Variants in SHOC2 observed in about 807,000 individuals in gnomAD.
The protein encoded by SHOC2 is leucine-rich repeat protein SHOC-2.
In SHOC2, 4 loss-of-function variants were observed where a neutral mutation model predicts 50.2. The observed-to-expected ratio is 0.08, with a 90% confidence interval of 0.04 to 0.18. The LOEUF (loss-of-function observed/expected upper bound fraction) is 0.18. SHOC2 is among the 10% of genes least tolerant of loss of function. The pLI is 1.00. For synonymous variants in SHOC2, 218 were observed against 244.5 expected (o/e 0.89, Z 1.01); for missense variants, 388 against 669.6 (o/e 0.58, Z 4.64).
intron 1 of SHOC2, among the ~76,000 whole-genome samples, chr10:110,941,985 G>GT (rs1329102006): frequency 6.6e-6 from 1 of 151,946 alleles, no homozygotes. Flanking sequence ...GTAATTTTTT[G>GT]TTTTTGTTTT....
intron 1 of SHOC2, among the ~76,000 whole-genome samples, chr10:110,944,832 C>T (rs1181466729): frequency 6.6e-6 from 1 of 152,180 alleles, no homozygotes; most frequent in Non-Finnish European, 1.5e-5. Context: ...CTTTACATGC[C>T]TGGAACCAGT....
At chr10:111,002,485 A>G (rs954692507) in intron 4 of SHOC2, among the ~76,000 whole-genome samples, 1 of 152,214 alleles carries the variant, frequency 6.6e-6, no homozygotes, top group Non-Finnish European at 1.5e-5. Flanking sequence ...AGGTGTATAC[A>G]TATAGAAAAG....
chr10:110,970,220 C>T (rs1011524904), intron 2 of SHOC2, among the ~76,000 whole-genome samples: 2 of 152,138 alleles, frequency 1.3e-5, no homozygotes, highest in East Asian at 1.9e-4. Flanking sequence ...CGCCACCCTT[C>T]TCAGCCTCTA....
intron 1 of SHOC2, chr10:110,951,740 A>G (rs1847357179): frequency 1.3e-5 from 2 of 152,142 alleles, no homozygotes; most frequent in Admixed American, 1.3e-4. Context: ...ATCTTGGCCC[A>G]CTGCAACCTC....
At chr10:110,961,764 A>G (rs1357171734) in intron 1 of SHOC2, among the ~76,000 whole-genome samples, 1 of 152,148 alleles carries the variant, frequency 6.6e-6, no homozygotes, top group Non-Finnish European at 1.5e-5. Flanking sequence ...GTCCTTTTAG[A>G]TTTCAATGGG....
At chr10:110,976,874 T>G (rs1847888257) in intron 2 of SHOC2, among the ~76,000 whole-genome samples, 1 of 152,218 alleles carries the variant, frequency 6.6e-6, no homozygotes, top group Admixed American at 6.5e-5. Context: ...TTCTATTATC[T>G]GAGTCTCTTA....
intron 1 of SHOC2, chr10:110,936,583 C>CCTTTTTTT: frequency 2.8e-6 from 1 of 353,786 alleles, no homozygotes; most frequent in Non-Finnish European, 4.6e-6. Flanking sequence ...ATGTCCTTTT[C>CCTTTTTTT]TTTTCCTTTT....
chr10:110,951,546 C>T (rs967896047), intron 1 of SHOC2: 13 of 152,116 alleles, frequency 8.5e-5, no homozygotes, highest in African/African-American at 2.4e-4. Context: ...CTTCTTGGTA[C>T]GTATCTAGAG....
chr10:110,927,656 T>C (rs1846803462), intron 1 of SHOC2, among the ~76,000 whole-genome samples: 1 of 152,196 alleles, frequency 6.6e-6, no homozygotes, highest in African/African-American at 2.4e-5. Flanking sequence ...CCACCTCCTG[T>C]TATATAATAG....
At chr10:110,979,821 T>C (rs1384342978) in intron 2 of SHOC2, among the ~76,000 whole-genome samples, 1 of 152,200 alleles carries the variant, frequency 6.6e-6, no homozygotes, top group Non-Finnish European at 1.5e-5. Context: ...ATTCCATTCC[T>C]CTCTCATAAT....
At chr10:110,967,673 T>C (rs1847702492) in intron 2 of SHOC2, among the ~76,000 whole-genome samples, 1 of 152,202 alleles carries the variant, frequency 6.6e-6, no homozygotes, top group Non-Finnish European at 1.5e-5. Context: ...ACTTTCTGTC[T>C]CTATAGATTA....
At chr10:110,922,313 A>G (rs1423860661) in intron 1 of SHOC2, among the ~76,000 whole-genome samples, 2 of 152,120 alleles carry the variant, frequency 1.3e-5, no homozygotes, top group Admixed American at 1.3e-4. Flanking sequence ...GCTTACCTGT[A>G]TGAATTATGG....
intron 6 of SHOC2, among the ~76,000 whole-genome samples, chr10:111,008,867 A>G (rs1298526823): frequency 6.6e-6 from 1 of 152,038 alleles, no homozygotes; most frequent in Non-Finnish European, 1.5e-5. Context: ...CACAGATAAT[A>G]AATAGAGTGG....
intron 4 of SHOC2, 27 bp from the exon 5 acceptor site, chr10:111,004,579 C>G: frequency 6.5e-7 from 1 of 1,533,042 alleles, no homozygotes; most frequent in Non-Finnish European, 9.0e-7. Context: ...AGTTCTAATT[C>G]TTATGTTTAT....
At chr10:110,920,075 G>T (rs975320835) in intron 1 of SHOC2, 2 of 150,988 alleles carry the variant, frequency 1.3e-5, no homozygotes, top group African/African-American at 4.9e-5. Flanking sequence ...GGGCCCCCGG[G>T]CCCAGTCCGC....
chr10:110,971,363 A>G (rs1016852352), intron 2 of SHOC2, among the ~76,000 whole-genome samples: 1 of 152,060 alleles, frequency 6.6e-6, no homozygotes, highest in Non-Finnish European at 1.5e-5. Context: ...AGTTGGCTGT[A>G]AATATGTGGA....
At chr10:111,004,084 G>A (rs1848427715) in intron 4 of SHOC2, among the ~76,000 whole-genome samples, 1 of 152,106 alleles carries the variant, frequency 6.6e-6, no homozygotes, top group African/African-American at 2.4e-5. Context: ...TACAGTATCA[G>A]GAAGCATAAT....
intron 3 of SHOC2, among the ~76,000 whole-genome samples, chr10:110,991,275 C>T (rs1187625805): frequency 1.3e-5 from 2 of 151,986 alleles, no homozygotes; most frequent in Non-Finnish European, 2.9e-5. Context: ...GGATTAGTGT[C>T]CTATTGGAGG....
chr10:111,012,171 T>A lies in SHOC2; in HGVS notation c.*353T>A, dbSNP rs182433736. Reference sequence around the variant, plus strand: ...AGGAAAAATAATGGGCAAAAATTTTTGTTGCAACTTTTCATATATATTTTC... The same window carrying A: ...AGGAAAAATAATGGGCAAAAATTTTAGTTGCAACTTTTCATATATATTTTC... On this transcript the variant is annotated 3_prime_UTR_variant, in exon 9 of 9. Coordinates refer to ENST00000369452, the MANE Select transcript of SHOC2 (RefSeq NM_007373.4). 4.7e-5 allele frequency: 11 copies of A among 234,130 alleles called. No individual in the cohort carries two copies. The highest frequency in any genetic ancestry group is 1.4e-4 in the African/African-American group (6 of 42,950). 14.5% of individuals were successfully genotyped at this position (234,130 alleles called of 1,614,324 possible).
Sources: allele counts gnomAD v4.1 joint callset (sites outside exome capture counted in the v4.1 genomes callset), GRCh38; gene constraint gnomAD v4.1.1; transcripts MANE v1.5; gene names NCBI Gene and HGNC (gene_info 2026-07-23, HGNC 2026-07-21).